IMMP1L: variants seen among roughly 807,000 people sequenced by gnomAD.
IMMP1L encodes inner mitochondrial membrane peptidase subunit 1, also known as mitochondrial inner membrane protease subunit 1.
In IMMP1L, 24 loss-of-function variants were observed where a neutral mutation model predicts 21.8. The observed-to-expected ratio is 1.10, with a 90% CI of 0.80 to 1.55. IMMP1L has a LOEUF of 1.55. Ranked by LOEUF, IMMP1L falls within the 40% of genes most tolerant of loss-of-function variation. The pLI, the probability that IMMP1L is intolerant of heterozygous loss-of-function variation, is 0.00. For synonymous variants in IMMP1L, 46 were observed against 62.8 expected (o/e 0.73, Z 1.26); for missense variants, 195 against 200.7 (o/e 0.97, Z 0.17).
At chr11:31,432,659 T>C (rs1952949114) in intron 5 of IMMP1L, 91 bp from the exon 6 acceptor site, 1 of 842,804 alleles carries the variant, frequency 1.2e-6, no homozygotes, top group Non-Finnish European at 2.0e-6. Flanking sequence ...CTTTTCTCTA[T>C]GCCAGATAAA....
chr11:31,451,570 T>A (rs946047545), intron 4 of IMMP1L, among the ~76,000 whole-genome samples: 9 of 152,104 alleles, frequency 5.9e-5, no homozygotes, highest in Non-Finnish European at 1.3e-4. Context: ...TTCTTCCCCA[T>A]ATGATGGGAA....
intron 1 of IMMP1L, among the ~76,000 whole-genome samples, chr11:31,500,612 A>ACACACACACACACAC (rs1491094510): frequency 1.7e-4 from 24 of 145,100 alleles, no homozygotes; most frequent in Non-Finnish European, 2.7e-4. Flanking sequence ...CACACACACA[A>ACACACACACACACAC]ACACACACAC....
intron 2 of IMMP1L, among the ~76,000 whole-genome samples, chr11:31,461,576 G>T (rs746552192): frequency 2.6e-5 from 4 of 152,082 alleles, no homozygotes; most frequent in Non-Finnish European, 5.9e-5. Flanking sequence ...TTCCATACCT[G>T]ACCCCATGTG....
intron 1 of IMMP1L, chr11:31,477,653 T>C: frequency 2.7e-6 from 1 of 377,032 alleles, no homozygotes; most frequent in Non-Finnish European, 3.7e-6. Flanking sequence ...GCAGTGAAGG[T>C]GTTACCGATA....
At chr11:31,501,790 C>CAAATAAATAAATAAAT (rs55861509) in intron 1 of IMMP1L, among the ~76,000 whole-genome samples, 2 of 139,684 alleles carry the variant, frequency 1.4e-5, no homozygotes, top group African/African-American at 5.4e-5. Context: ...CCCATCTCTA[C>CAAATAAATAAATAAAT]AAATAAATAA....
intron 1 of IMMP1L, among the ~76,000 whole-genome samples, chr11:31,491,015 G>C (rs1955237018): frequency 6.6e-6 from 1 of 152,126 alleles, no homozygotes; most frequent in African/African-American, 2.4e-5. Flanking sequence ...CCCCCCTAGA[G>C]TTTTCATAAT....
chr11:31,497,619 G>A (rs970872167), intron 1 of IMMP1L, among the ~76,000 whole-genome samples: 2 of 151,970 alleles, frequency 1.3e-5, no homozygotes, highest in African/African-American at 4.8e-5. Flanking sequence ...GCGCTACCAC[G>A]CCCAGCTAAT....
intron 1 of IMMP1L, chr11:31,488,088 T>A (rs1341458544): frequency 6.6e-6 from 1 of 151,590 alleles, no homozygotes; most frequent in Non-Finnish European, 1.5e-5. Context: ...AAGTTGAACA[T>A]GAAACCGACA....
chr11:31,484,023 A>T (rs2133763371), intron 1 of IMMP1L, among the ~76,000 whole-genome samples: 1 of 152,008 alleles, frequency 6.6e-6, no homozygotes, highest in Admixed American at 6.6e-5. Flanking sequence ...TAGTTTGTTT[A>T]ATTTGTATAA....
chr11:31,459,105 T>G (rs1220347487), intron 3 of IMMP1L, among the ~76,000 whole-genome samples: 1 of 152,208 alleles, frequency 6.6e-6, no homozygotes, highest in Non-Finnish European at 1.5e-5. Flanking sequence ...TATATAAGTT[T>G]TATTTTATAA....
At chr11:31,444,780 G>T (rs1045105960) in intron 4 of IMMP1L, among the ~76,000 whole-genome samples, 2 of 151,976 alleles carry the variant, frequency 1.3e-5, no homozygotes, top group African/African-American at 4.8e-5. Context: ...AGTAGACACA[G>T]GGTTTCACTA....
chr11:31,479,549 C>T (rs1238267278), intron 1 of IMMP1L, among the ~76,000 whole-genome samples: 2 of 151,990 alleles, frequency 1.3e-5, no homozygotes, highest in East Asian at 3.9e-4. Context: ...TAGAACTATA[C>T]TGTTCAATAA....
intron 1 of IMMP1L, among the ~76,000 whole-genome samples, chr11:31,507,414 T>C (rs1955811230): frequency 6.6e-6 from 1 of 152,188 alleles, no homozygotes; most frequent in Non-Finnish European, 1.5e-5. Flanking sequence ...GGAAAATAAT[T>C]CTTCAGTTCT....
intron 4 of IMMP1L, among the ~76,000 whole-genome samples, chr11:31,455,835 C>T (rs1953920151): frequency 6.6e-6 from 1 of 152,070 alleles, no homozygotes; most frequent in Non-Finnish European, 1.5e-5. Flanking sequence ...CTTCTTGGTG[C>T]TTCAATCCAG....
chr11:31,448,023 T>A (rs927754850), intron 4 of IMMP1L, among the ~76,000 whole-genome samples: 1 of 152,194 alleles, frequency 6.6e-6, no homozygotes, highest in African/African-American at 2.4e-5. Context: ...AAGACTGTTA[T>A]AGCACCTGGG....
chr11:31,468,731 A>T (rs1167183348), intron 1 of IMMP1L, among the ~76,000 whole-genome samples: 2 of 152,198 alleles, frequency 1.3e-5, no homozygotes, highest in Non-Finnish European at 2.9e-5. Context: ...ATAAATACAT[A>T]AATACATTAA....
intron 1 of IMMP1L, among the ~76,000 whole-genome samples, chr11:31,507,291 AC>A (rs1565022782): frequency 6.6e-6 from 1 of 152,028 alleles, no homozygotes; most frequent in African/African-American, 2.4e-5. Context: ...GAAAAAAAAA[AC>A]AAAAGCATAT....
intron 1 of IMMP1L, among the ~76,000 whole-genome samples, chr11:31,463,910 G>A (rs960535039): frequency 4.0e-5 from 6 of 151,880 alleles, no homozygotes; most frequent in Non-Finnish European, 7.4e-5. Flanking sequence ...TGTAACAAAA[G>A]GAACACATAA....
At chr11:31,489,582 T>A (rs1955189812) in intron 1 of IMMP1L, among the ~76,000 whole-genome samples, 1 of 148,710 alleles carries the variant, frequency 6.7e-6, no homozygotes, top group Non-Finnish European at 1.5e-5. Context: ...TTACTTATCA[T>A]CTTTTGCTCT....
Sources: allele counts gnomAD v4.1 joint callset (sites outside exome capture counted in the v4.1 genomes callset), GRCh38; gene constraint gnomAD v4.1.1; transcripts MANE v1.5; gene names NCBI Gene and HGNC (gene_info 2026-07-23, HGNC 2026-07-21).